Variants in ACACA observed in about 807,000 individuals in gnomAD.
The protein encoded by ACACA is acetyl-CoA carboxylase alpha.
ACACA carries 103 observed loss-of-function variants against 296.1 expected under a neutral mutation model. The observed-to-expected ratio is 0.35, with a 90% CI of 0.30 to 0.41. The LOEUF (loss-of-function observed/expected upper bound fraction) is 0.41, where lower values mean the gene tolerates loss of function less well. Ranked by LOEUF, ACACA falls within the 10% of genes least tolerant of loss-of-function variation. ACACA has a pLI of 1.00. For synonymous variants in ACACA, 953 were observed against 1,038.6 expected (o/e 0.92, Z 1.58); for missense variants, 1,554 against 2,989.7 (o/e 0.52, Z 11.20).
intron 39 of ACACA, among the ~76,000 whole-genome samples, chr17:37,187,257 C>A (rs1420391365): frequency 2.0e-5 from 3 of 152,156 alleles, no homozygotes; most frequent in Admixed American, 6.5e-5. Flanking sequence ...ACTGTCCAAA[C>A]TGAGATTTTT....
intron 45 of ACACA, chr17:37,144,462 A>C: frequency 3.6e-6 from 1 of 278,508 alleles, no homozygotes; most frequent in Non-Finnish European, 7.0e-6. Context: ...AGCCTCCATG[A>C]CTTTCATGCT....
intron 1 of ACACA, among the ~76,000 whole-genome samples, chr17:37,372,412 C>CG (rs1555664996): frequency 2.9e-5 from 3 of 102,804 alleles, no homozygotes; most frequent in African/African-American, 1.5e-4. Flanking sequence ...GACTCTGTCT[C>CG]GAAAAAAAAA....
intron 1 of ACACA, among the ~76,000 whole-genome samples, chr17:37,374,934 G>T: frequency 6.6e-6 from 1 of 152,044 alleles, no homozygotes; most frequent in East Asian, 1.9e-4. Flanking sequence ...GGTGGCTCAC[G>T]GCTGTAATCC....
intron 1 of ACACA, among the ~76,000 whole-genome samples, chr17:37,375,047 T>C (rs1301340727): frequency 6.6e-6 from 1 of 151,668 alleles, no homozygotes; most frequent in Non-Finnish European, 1.5e-5. Flanking sequence ...ATATAAAAAT[T>C]AGCCGGCAGG....
intron 45 of ACACA, among the ~76,000 whole-genome samples, chr17:37,147,139 G>A (rs1256354873): frequency 6.6e-6 from 1 of 151,972 alleles, no homozygotes; most frequent in Non-Finnish European, 1.5e-5. Flanking sequence ...AAAAATGTGG[G>A]GGTCAAATAT....
intron 29 of ACACA, among the ~76,000 whole-genome samples, chr17:37,219,200 C>T (rs1170516212): frequency 6.6e-6 from 1 of 152,166 alleles, no homozygotes; most frequent in Non-Finnish European, 1.5e-5. Context: ...TTTTAAAATA[C>T]TCTGGACACT....
chr17:37,325,579 CTTTTTTTT>C (rs1156553256), intron 3 of ACACA, among the ~76,000 whole-genome samples: 2 of 67,922 alleles, frequency 2.9e-5, no homozygotes, highest in East Asian at 4.9e-4. Context: ...TCTTTTCTTT[CTTTTTTTT>C]TTTTTTTTTT....
chr17:37,175,556 T>C (rs2077080216), intron 41 of ACACA, among the ~76,000 whole-genome samples: 1 of 152,234 alleles, frequency 6.6e-6, no homozygotes, highest in Non-Finnish European at 1.5e-5. Flanking sequence ...TAGCTGTGTA[T>C]TTACATACAG....
Position 37,320,644 on chromosome 17 carries a change from A to G in ACACA, c.338+9529T>C, listed in dbSNP as rs559566640. ...TATTTAATTTATGTCTCAATTCCCC[A>G]TCCATAAATTGTGGGCAATAGGCCA... On this transcript the variant is annotated intron_variant, in intron 3 of 55. Coordinates refer to ENST00000616317, the MANE Select transcript of ACACA (RefSeq NM_198834.3). 2.0e-5 allele frequency among the ~76,000 whole-genome samples: 3 copies of G among 151,760 alleles called. No homozygotes were observed. In the South Asian group the frequency reaches 6.2e-4, roughly 32 times the overall value.
intron 1 of ACACA, among the ~76,000 whole-genome samples, chr17:37,366,357 T>C (rs1050066041): frequency 6.6e-6 from 1 of 152,218 alleles, no homozygotes; most frequent in African/African-American, 2.4e-5. Context: ...TGTAGAGCCT[T>C]TATCGTCAAG....
At chr17:37,206,307 A>C (rs903014280) in intron 32 of ACACA, among the ~76,000 whole-genome samples, 1 of 152,254 alleles carries the variant, frequency 6.6e-6, no homozygotes, top group Non-Finnish European at 1.5e-5. Flanking sequence ...TCATGAAAAA[A>C]TAACATCATA....
intron 1 of ACACA, among the ~76,000 whole-genome samples, chr17:37,364,508 C>T (rs1166554333): frequency 7.3e-5 from 11 of 150,166 alleles, no homozygotes. Context: ...GCAGGAGAAT[C>T]GCTTGAACCC....
intron 3 of ACACA, among the ~76,000 whole-genome samples, chr17:37,295,610 G>A (rs1253339664): frequency 6.6e-6 from 1 of 151,876 alleles, no homozygotes; most frequent in Non-Finnish European, 1.5e-5. Flanking sequence ...CCAACATGTT[G>A]AAACGTTGTC....
At chr17:37,228,379 T>G (rs1012144411) in intron 25 of ACACA, among the ~76,000 whole-genome samples, 2 of 151,990 alleles carry the variant, frequency 1.3e-5, no homozygotes, top group African/African-American at 2.4e-5. Context: ...AATTCACTCA[T>G]CTGAGTGAGA....
chr17:37,312,714 C>G (rs1013887732), intron 3 of ACACA, among the ~76,000 whole-genome samples: 1 of 152,044 alleles, frequency 6.6e-6, no homozygotes, highest in Non-Finnish European at 1.5e-5. Context: ...TACATAAAGT[C>G]AGTGATGGTG....
intron 1 of ACACA, chr17:37,365,313 T>A (rs2049569653): frequency 2.6e-6 from 1 of 388,632 alleles, no homozygotes; most frequent in Non-Finnish European, 3.5e-6. Context: ...TGGTTTTAGC[T>A]CTCCAGTTAA....
chr17:37,186,437 TATTAA>T (rs1215587360), intron 39 of ACACA, among the ~76,000 whole-genome samples: 2 of 152,186 alleles, frequency 1.3e-5, no homozygotes, highest in Non-Finnish European at 2.9e-5. Flanking sequence ...AGTCAATCAA[TATTAA>T]ATTAAAAAAC....
chr17:37,243,247 C>CA (rs2080510035), intron 22 of ACACA, 124 bp downstream of exon 22: 2 of 1,020,364 alleles, frequency 2.0e-6, no homozygotes, highest in Non-Finnish European at 3.0e-6. Flanking sequence ...GTGAGGAATA[C>CA]AATGCTTAAA....
intron 2 of ACACA, 83 bp downstream of exon 2, chr17:37,339,721 C>T: frequency 1.1e-6 from 1 of 896,044 alleles, no homozygotes; most frequent in Non-Finnish European, 1.8e-6. Flanking sequence ...CAACTTTTAA[C>T]ACAAAAGCCT....
Sources: gnomAD v4.1 joint callset for allele counts (sites outside exome capture counted in the v4.1 genomes callset) on GRCh38, gnomAD v4.1.1 for gene constraint, MANE v1.5 for transcripts, NCBI Gene and HGNC (gene_info 2026-07-23, HGNC 2026-07-21) for gene names.